Variants in DNAH14 observed in about 807,000 individuals in gnomAD.
DNAH14 encodes axonemal beta dynein heavy chain 14.
A neutral mutation model predicts 520.9 loss-of-function variants in DNAH14; 478 were observed. The ratio of observed to expected loss-of-function variants is 0.92; its 90% CI spans 0.85 to 0.99. The LOEUF is 0.99. Ranked by LOEUF, DNAH14 falls within the 50% of genes least tolerant of loss-of-function variation. DNAH14 has a pLI of 0.00. For missense variants in DNAH14, 4,831 were observed against 5,234.5 expected (o/e 0.92, Z 2.38); for synonymous variants, 1,581 against 1,757.2 (o/e 0.90, Z 2.51).
chr1:225,192,210 C>A (rs1164370185), intron 37 of DNAH14, among the ~76,000 whole-genome samples: 1 of 152,146 alleles, frequency 6.6e-6, no homozygotes, highest in Non-Finnish European at 1.5e-5. Context: ...TAGGCTTCCA[C>A]AGGTCTGTAA....
chr1:225,114,144 A>T (rs1483942564), intron 23 of DNAH14, among the ~76,000 whole-genome samples: 5 of 152,254 alleles, frequency 3.3e-5, no homozygotes, highest in South Asian at 2.1e-4. Context: ...CATGGCATGT[A>T]CTACCTGGCT....
rs759793116 is a variant in DNAH14 at position 225,085,760 on chromosome 1, A to G, written c.3544A>G (p.Lys1182Glu). 5.2e-6 allele frequency: 8 copies of G among 1,550,896 alleles called. No homozygotes were observed. Among genetic ancestry groups the G allele is most frequent in the African/African-American group, 1.4e-5 (1 of 73,024 alleles). The change falls in exon 21 of 86, where the codon AAA becomes GAA. Residue 1182 changes from lysine (K) to glutamate (E), a missense_variant. Lys to Glu is a moderately conservative substitution (Grantham distance 56, BLOSUM62 1). Transcript: ENST00000682510. ...EESQVILATI[K>E]GSPHIGPIKD... ...GTCTCAAGTCATACTTGCAACAATT[A>G]AAGGATCTCCCCACATTGGGCCCAT...
chr1:225,365,188 C>T (rs1001772237), intron 76 of DNAH14, among the ~76,000 whole-genome samples: 1 of 152,208 alleles, frequency 6.6e-6, no homozygotes, highest in Non-Finnish European at 1.5e-5. Flanking sequence ...CCCTTCACTT[C>T]TCTAGCATTT....
intron 9 of DNAH14, among the ~76,000 whole-genome samples, chr1:225,006,026 T>G (rs1424284465): frequency 6.6e-6 from 1 of 152,172 alleles, no homozygotes; most frequent in Non-Finnish European, 1.5e-5. Flanking sequence ...TAACATAAAT[T>G]GTGAAGATTT....
At chr1:225,183,280 A>T (rs1190318474) in intron 36 of DNAH14, among the ~76,000 whole-genome samples, 1 of 152,230 alleles carries the variant, frequency 6.6e-6, no homozygotes, top group Non-Finnish European at 1.5e-5. Flanking sequence ...GGCTAACTAA[A>T]GTGGCCTCAG....
At chr1:225,350,288 T>C (rs769170703) in intron 71 of DNAH14, among the ~76,000 whole-genome samples, 1 of 152,086 alleles carries the variant, frequency 6.6e-6, no homozygotes, top group Admixed American at 6.5e-5. Flanking sequence ...AGTGCTAAGA[T>C]GAAAGTTTAT....
At chr1:225,325,885 C>T (rs1277938100) in intron 64 of DNAH14, among the ~76,000 whole-genome samples, 1 of 152,160 alleles carries the variant, frequency 6.6e-6, no homozygotes, top group Admixed American at 6.5e-5. Context: ...GTAGGCAGCC[C>T]CCACTCACTT....
At chr1:225,043,837 G>A (rs1273800408) in intron 14 of DNAH14, 48 bp downstream of exon 14, 1 of 1,457,002 alleles carries the variant, frequency 6.9e-7, no homozygotes, top group East Asian at 2.5e-5. Flanking sequence ...ATTTTATATG[G>A]TAGTTATTAT....
At chr1:224,981,676 T>C (rs1452078142) in intron 8 of DNAH14, among the ~76,000 whole-genome samples, 1 of 152,232 alleles carries the variant, frequency 6.6e-6, no homozygotes, top group African/African-American at 2.4e-5. Context: ...ATTTTCTTTC[T>C]TCTTTTCTTG....
chr1:225,201,300 C>A (rs2086792158), intron 38 of DNAH14, among the ~76,000 whole-genome samples: 1 of 152,088 alleles, frequency 6.6e-6, no homozygotes, highest in Admixed American at 6.6e-5. Context: ...TTAAATTGGG[C>A]TTCACCTTTC....
At chr1:225,025,333 AAT>A (rs10653727) in intron 11 of DNAH14, among the ~76,000 whole-genome samples, 4 of 146,942 alleles carry the variant, frequency 2.7e-5, no homozygotes, top group African/African-American at 9.9e-5. Context: ...TCTTATCTCA[AAT>A]ATATATATAT....
chr1:224,999,817 A>C (rs1327798274), intron 8 of DNAH14, among the ~76,000 whole-genome samples: 1 of 152,150 alleles, frequency 6.6e-6, no homozygotes, highest in African/African-American at 2.4e-5. Flanking sequence ...TTTGAATGAT[A>C]TGTAGAAACT....
intron 17 of DNAH14, among the ~76,000 whole-genome samples, chr1:225,053,665 A>G (rs2068762737): frequency 6.6e-6 from 1 of 152,184 alleles, no homozygotes; most frequent in South Asian, 2.1e-4. Flanking sequence ...TCAACAGGAT[A>G]TGGCATTGAC....
At chr1:225,244,315 T>G (rs1214272567) in intron 43 of DNAH14, among the ~76,000 whole-genome samples, 3 of 152,142 alleles carry the variant, frequency 2.0e-5, no homozygotes, top group Non-Finnish European at 4.4e-5. Flanking sequence ...GAAATTTTCT[T>G]TTTTTGTTGT....
At chr1:225,039,537 A>G (rs1303819790) in intron 12 of DNAH14, among the ~76,000 whole-genome samples, 1 of 152,058 alleles carries the variant, frequency 6.6e-6, no homozygotes, top group East Asian at 1.9e-4. Flanking sequence ...AGCTGGAAAT[A>G]TATCTCATTT....
At chr1:225,365,008 GA>G in intron 76 of DNAH14, 114 bp downstream of exon 76, 1 of 760,728 alleles carries the variant, frequency 1.3e-6, no homozygotes, top group South Asian at 2.4e-5. Flanking sequence ...GATAAATTCT[GA>G]AATGCTAAAT....
intron 16 of DNAH14, 95 bp downstream of exon 16, chr1:225,050,471 C>T (rs1476019818): frequency 1.9e-5 from 24 of 1,288,482 alleles, no homozygotes; most frequent in Non-Finnish European, 2.5e-5. Flanking sequence ...ATTAGGGTAT[C>T]CTATTCATAG....
At chr1:225,101,580 A>G (rs1444193132) in intron 23 of DNAH14, among the ~76,000 whole-genome samples, 1 of 151,904 alleles carries the variant, frequency 6.6e-6, no homozygotes, top group East Asian at 1.9e-4. Context: ...TTCAAATGTT[A>G]CCTCCCACAA....
intron 41 of DNAH14, among the ~76,000 whole-genome samples, chr1:225,213,160 T>C (rs986406988): frequency 3.3e-5 from 5 of 152,228 alleles, no homozygotes; most frequent in Non-Finnish European, 5.9e-5. Context: ...ATTTATTAAA[T>C]AGGGAATCCT....
Sources: allele counts gnomAD v4.1 joint callset (sites outside exome capture counted in the v4.1 genomes callset), GRCh38; gene constraint gnomAD v4.1.1; transcripts MANE v1.5; gene names NCBI Gene and HGNC (gene_info 2026-07-23, HGNC 2026-07-21).